The following TECRL variants were observed in gnomAD, a reference collection of about 807,000 sequenced individuals.
The protein encoded by TECRL is trans-2,3-enoyl-CoA reductase like.
TECRL carries 63 observed loss-of-function variants against 52.8 expected under a neutral mutation model. That is an observed-to-expected ratio of 1.19 (90% CI 0.97 to 1.47). The LOEUF (loss-of-function observed/expected upper bound fraction) is 1.47. Ranked by LOEUF, TECRL falls within the 40% of genes most tolerant of loss-of-function variation. TECRL has a pLI of 0.00. For missense variants in TECRL, 482 were observed against 429.6 expected (o/e 1.12, Z -1.08); for synonymous variants, 164 against 141.9 (o/e 1.16, Z -1.10).
intron 2 of TECRL, among the ~76,000 whole-genome samples, chr4:64,338,812 G>A (rs564792470): frequency 5.3e-4 from 81 of 152,268 alleles, no homozygotes; most frequent in African/African-American, 1.9e-3. Context: ...TGGAGTAATA[G>A]GAACACTTTT....
intron 3 of TECRL, among the ~76,000 whole-genome samples, chr4:64,324,596 A>G (rs941100424): frequency 1.3e-5 from 2 of 152,098 alleles, no homozygotes; most frequent in African/African-American, 4.8e-5. Flanking sequence ...CAAAAAATAT[A>G]CAATTATTGT....
intron 1 of TECRL, among the ~76,000 whole-genome samples, chr4:64,407,220 T>G (rs1397667684): frequency 4.6e-5 from 7 of 152,040 alleles, no homozygotes; most frequent in African/African-American, 1.7e-4. Context: ...AATCCTCTAT[T>G]TAGCCTGCTA....
chr4:64,281,640 C>A, intron 9 of TECRL, 81 bp from the exon 10 acceptor site: 1 of 681,198 alleles, frequency 1.5e-6, no homozygotes, highest in East Asian at 3.0e-5. Context: ...TACTAAGTTC[C>A]CCAAAATAAC....
chr4:64,384,720 T>A (rs796079867), intron 1 of TECRL, among the ~76,000 whole-genome samples: 47 of 152,198 alleles, frequency 3.1e-4, no homozygotes, highest in African/African-American at 1.1e-3. Context: ...ACACAGGTTG[T>A]GGCTGGTTTA....
rs1719923343 is a variant in TECRL, at chr4:64,345,906, G to GCAAAAAAAAAAAAAAAAAAA, written c.287-17370_287-17351dup. Among the ~76,000 whole-genome samples, 4 of 2,744 alleles carry GCAAAAAAAAAAAAAAAAAAA rather than the reference G, an allele frequency of 1.5e-3. 2 individuals carry two copies. Among genetic ancestry groups the GCAAAAAAAAAAAAAAAAAAA allele is most frequent in the African/African-American group, 2.1e-3 (2 of 944 alleles). 1.8% of individuals were successfully genotyped at this position (2,744 alleles called of 152,430 possible). A position where few individuals can be genotyped will look rare whatever the true frequency, so the allele number is the denominator to read the frequency against. On this transcript the variant is annotated intron_variant, in intron 2 of 11. Coordinates refer to ENST00000381210, the MANE Select transcript of TECRL (RefSeq NM_001010874.5). The stretch of plus-strand genomic sequence containing the variant: ...CCCAACACTGATGGGTGCCTCAACA[G>GCAAAAAAAAAAAAAAAAAAA]CAAAAAAAAAAAAAAAAAAAAAAAA...
At chr4:64,377,272 CAT>C (rs985805150) in intron 1 of TECRL, among the ~76,000 whole-genome samples, 1 of 151,948 alleles carries the variant, frequency 6.6e-6, no homozygotes. Context: ...ATGATTGAGA[CAT>C]ATATTCAATT....
At chr4:64,375,887 C>G (rs1560540359) in intron 1 of TECRL, among the ~76,000 whole-genome samples, 2 of 151,684 alleles carry the variant, frequency 1.3e-5, no homozygotes, top group Non-Finnish European at 1.5e-5. Context: ...GACTAAAGTT[C>G]CATGCAAATA....
chr4:64,336,856 C>A (rs1282796116), intron 2 of TECRL, among the ~76,000 whole-genome samples: 2 of 152,178 alleles, frequency 1.3e-5, no homozygotes, highest in Admixed American at 1.3e-4. Flanking sequence ...AGTTTGATTG[C>A]ACTGTGGTCT....
Position 64,280,068 on chromosome 4 carries a change from T to G in TECRL, c.*4A>C. 1 of 1,588,378 alleles carries G rather than the reference T, an allele frequency of 6.3e-7. No individual in the cohort carries two copies. Among genetic ancestry groups the G allele is most frequent in the Non-Finnish European group, 8.5e-7 (1 of 1,169,608 alleles). ...TGTTTTCTATAGGAGATAAGATTCT[T>G]TTTTTACAATATGAATGGAATCATT... On this transcript the variant is annotated 3_prime_UTR_variant, in exon 12 of 12. Coordinates refer to ENST00000381210, the MANE Select transcript of TECRL (RefSeq NM_001010874.5).
intron 9 of TECRL, among the ~76,000 whole-genome samples, chr4:64,284,453 A>C (rs1268966859): frequency 7.3e-6 from 1 of 136,518 alleles, no homozygotes; most frequent in East Asian, 2.3e-4. Flanking sequence ...ACCACTTTTC[A>C]AAAATACAGG....
At chr4:64,382,296 T>G (rs1157858456) in intron 1 of TECRL, among the ~76,000 whole-genome samples, 1 of 145,466 alleles carries the variant, frequency 6.9e-6, no homozygotes, top group African/African-American at 2.5e-5. Context: ...TATTATATAT[T>G]ATACATTATA....
rs1274478194 is a variant in TECRL, at chr4:64,302,261, T to G, written c.731-2244A>C. Among the ~76,000 whole-genome samples the G allele has an allele frequency of 2.0e-5, 3 of 151,484 alleles. No individual in the cohort carries two copies. In the East Asian group the frequency reaches 5.8e-4, roughly 29 times the overall value. On this transcript the variant is annotated intron_variant, in intron 7 of 11. Transcript: ENST00000381210. ...TTAAGTTAGCTTTTGTGTATTAATA[T>G]ACAGATGCTATTAACTTTATGCAGC... is the stretch of plus-strand genomic sequence containing the variant.
At chr4:64,280,361 T>C (rs1482996873) in intron 11 of TECRL, among the ~76,000 whole-genome samples, 162 bp from the exon 12 acceptor site, 1 of 152,038 alleles carries the variant, frequency 6.6e-6, no homozygotes, top group African/African-American at 2.4e-5. Flanking sequence ...CAATAGCCAA[T>C]CAATATCGCA....
chr4:64,313,905 G>C (rs1319475936), intron 5 of TECRL, among the ~76,000 whole-genome samples: 1 of 147,430 alleles, frequency 6.8e-6, no homozygotes, highest in Non-Finnish European at 1.5e-5. Context: ...AAGCCGAGGC[G>C]GGCGGATCAC....
chr4:64,374,378 C>T (rs1047372170), intron 2 of TECRL, among the ~76,000 whole-genome samples: 1 of 150,064 alleles, frequency 6.7e-6, no homozygotes, highest in African/African-American at 2.4e-5. Flanking sequence ...TTCATAGATT[C>T]TTTTTTAATG....
At chr4:64,322,842 T>C in intron 3 of TECRL, 50 bp from the exon 4 acceptor site, 1 of 1,352,140 alleles carries the variant, frequency 7.4e-7, no homozygotes, top group Non-Finnish European at 1.0e-6. Flanking sequence ...TTTCTTAGCA[T>C]AACGATAAAG....
chr4:64,405,803 G>A lies in TECRL; in HGVS notation c.234+3315C>T, dbSNP rs375639534. 9.5e-4 allele frequency among the ~76,000 whole-genome samples: 145 copies of A among 152,230 alleles called. 1 individual carries two copies. In the South Asian group the frequency reaches 0.014, roughly 15 times the overall value. On this transcript the variant is annotated intron_variant, in intron 1 of 11. Transcript: ENST00000381210. ...GCAATAAGGAAAGGGAAAAGCCAAC[G>A]AAGTTGGTTAAAAAAAGTGTATATT...
downstream of TECRL, among the ~76,000 whole-genome samples, chr4:64,277,516 TGGGAATTATAAGGCTTTTAAA>T (rs1189930628): frequency 6.6e-6 from 1 of 151,876 alleles, no homozygotes; most frequent in African/African-American, 2.4e-5. Context: ...TAGTATGCTT[TGGGAATTATAAGGCTTTTAAA>T]GGGGCTTTTT....
chr4:64,355,407 C>T (rs984376208), intron 2 of TECRL, among the ~76,000 whole-genome samples: 40 of 86,326 alleles, frequency 4.6e-4, no homozygotes, highest in Non-Finnish European at 1.0e-3. Context: ...CTTTTGTACT[C>T]TCCAAATTAA....
Sources: gnomAD v4.1 joint callset for allele counts (sites outside exome capture counted in the v4.1 genomes callset) on GRCh38, gnomAD v4.1.1 for gene constraint, MANE v1.5 for transcripts, NCBI Gene and HGNC (gene_info 2026-07-23, HGNC 2026-07-21) for gene names.